The following LRPAP1 variants were observed in gnomAD, a reference collection of about 807,000 sequenced individuals.
The protein encoded by LRPAP1 is alpha-2-macroglobulin receptor-associated protein.
LRPAP1 carries 41 observed loss-of-function variants against 39.9 expected under a neutral mutation model. The ratio of observed to expected loss-of-function variants is 1.03; its 90% CI spans 0.80 to 1.33. The LOEUF (loss-of-function observed/expected upper bound fraction) is 1.33, where lower values mean the gene tolerates loss of function less well. LRPAP1 is among the 40% of genes most tolerant of loss of function. The pLI is 0.00. For missense variants in LRPAP1, 565 were observed against 482.3 expected (o/e 1.17, Z -1.61); for synonymous variants, 263 against 212.7 (o/e 1.24, Z -2.06).
chr4:3,518,851 G>A lies in LRPAP1; in HGVS notation c.592+20C>T. The A allele has an allele frequency of 1.3e-6, 2 of 1,509,708 alleles. No individual in the cohort carries two copies. Among genetic ancestry groups the A allele is most frequent in the Non-Finnish European group, 1.8e-6 (2 of 1,119,444 alleles). The allele number at this position is 1,509,708 out of a possible 1,614,324, so 93.5% of individuals were successfully genotyped here. A position where few individuals can be genotyped will look rare whatever the true frequency, so the allele number is the denominator to read the frequency against. ...GAGGGGGTGGGGCAGAGGGCAGGAG[G>A]GGGTGGGGGCGGGGGGCACCTTCGG... On this transcript the variant is annotated intron_variant, in intron 4 of 7. Transcript: ENST00000650182.
At chr4:3,531,223 C>T (rs1009937377) in intron 1 of LRPAP1, among the ~76,000 whole-genome samples, 3 of 152,168 alleles carry the variant, frequency 2.0e-5, no homozygotes, top group African/African-American at 7.2e-5. Flanking sequence ...GGAGCTGATG[C>T]CCAGGCGTCA....
rs1729385624 is a variant in LRPAP1 at position 3,507,374 on chromosome 4, A to G, written c.*5600T>C. On this transcript the variant is annotated 3_prime_UTR_variant, in exon 8 of 8. Coordinates refer to ENST00000650182, the MANE Select transcript of LRPAP1 (RefSeq NM_002337.4). The stretch of plus-strand genomic sequence containing the variant: ...AAGTGCAAGTTACTACAAAACGAAA[A>G]CAAAAGAATCAAATGGATTTAATTG... 2 of 152,258 alleles carry G rather than the reference A, an allele frequency of 1.3e-5. No homozygotes were observed. The highest frequency in any genetic ancestry group is 2.9e-5 in the Non-Finnish European group (2 of 68,048). 9.4% of individuals were successfully genotyped at this position (152,258 alleles called of 1,614,324 possible). A position where few individuals can be genotyped will look rare whatever the true frequency, so the allele number is the denominator to read the frequency against.
intron 1 of LRPAP1, among the ~76,000 whole-genome samples, chr4:3,529,690 T>A (rs1794428): frequency 4.6e-5 from 7 of 152,016 alleles, no homozygotes; most frequent in Admixed American, 3.9e-4. Context: ...AGCACCCCCC[T>A]GGCCGGGTCT....
At position 3,525,075 on chromosome 4, in the gene LRPAP1, G is replaced by A. The variant is rs188130340; in HGVS notation, c.205-24C>T. On this transcript the variant is annotated intron_variant, in intron 1 of 7. Transcript: ENST00000650182. ...AGCTGCGAACGAAGGGGAGGAGCCT[G>A]TGAGCCACGAGCAGGACGGACCAGG... 13 of 1,613,330 alleles carry A rather than the reference G, an allele frequency of 8.1e-6. No homozygotes were observed. The East Asian group carries it at 2.9e-4, about 36-fold the overall frequency.
chr4:3,504,941 C>T lies in LRPAP1; in HGVS notation c.*8033G>A, dbSNP rs546831045. 6.5e-5 allele frequency among the ~76,000 whole-genome samples: 7 copies of T among 107,972 alleles called. No homozygotes were observed. The highest frequency in any genetic ancestry group is 3.8e-4 in the East Asian group (1 of 2,648). 70.8% of individuals were successfully genotyped at this position (107,972 alleles called of 152,430 possible). On this transcript the variant is annotated 3_prime_UTR_variant, in exon 8 of 8. Coordinates refer to ENST00000650182, the MANE Select transcript of LRPAP1 (RefSeq NM_002337.4). Reference sequence around the variant, plus strand: ...CAGCCTGGGCGACAGAGCAAGACTCCGTCTCAAGAAAAAAATAAATAACAA... The same window carrying T: ...CAGCCTGGGCGACAGAGCAAGACTCTGTCTCAAGAAAAAAATAAATAACAA...
At chr4:3,532,093 G>A (rs1730272303) in intron 1 of LRPAP1, 116 bp downstream of exon 1, 1 of 1,188,438 alleles carries the variant, frequency 8.4e-7, no homozygotes. Flanking sequence ...GGCGCGTAGG[G>A]CACAGGTGCC....
intron 1 of LRPAP1, among the ~76,000 whole-genome samples, chr4:3,528,375 T>C (rs1076896): frequency 0.78 from 117,911 of 152,088 alleles, 46,327 homozygotes; most frequent in East Asian, 0.93. Context: ...CAGCACTGCT[T>C]GGGACCTCAG....
At chr4:3,523,529 G>A (rs1401479130) in intron 2 of LRPAP1, among the ~76,000 whole-genome samples, 8 of 152,126 alleles carry the variant, frequency 5.3e-5, no homozygotes, top group Non-Finnish European at 1.2e-4. Context: ...GGGGTGGCTG[G>A]GAACAGACCA....
intron 2 of LRPAP1, among the ~76,000 whole-genome samples, chr4:3,522,565 ACCCCACAC>A (rs879314781): frequency 0.53 from 54,388 of 101,812 alleles, 17,798 homozygotes; most frequent in East Asian, 0.77. Context: ...GACAGACGCC[ACCCCACAC>A]TCCCTGCCTG....
rs1176892131 is a variant in LRPAP1, at chr4:3,516,124, C to A, written c.826G>T (p.Ala276Ser). ...GGGCCGTGTTTCCTTACCCGGAACG[C>A]CTCCAGCTCCTTGTCCGTGAGGTTG... Reference protein sequence around the residue: ...SANLTDKELEAFREELKHFEA... With the variant: ...SANLTDKELESFREELKHFEA... The change falls in exon 6 of 8, where the codon GCG (alanine) becomes TCG (serine). Residue 276 changes from alanine to serine, a missense_variant. Ala to Ser is a moderately conservative substitution (Grantham distance 99). Transcript: ENST00000650182. The A allele has an allele frequency of 1.2e-5, 19 of 1,575,974 alleles. No homozygotes were observed. In the East Asian group the frequency reaches 4.1e-4, roughly 34 times the overall value.
chr4:3,517,654 C>T lies in LRPAP1; in HGVS notation c.751+380G>A, dbSNP rs73793982. ...CCTGCCCCTGCCGGGCTGAGGGGGACTGATGGACGGTGTGGGTGGCATGAG... is the reference window on the plus strand; with the variant it reads ...CCTGCCCCTGCCGGGCTGAGGGGGATTGATGGACGGTGTGGGTGGCATGAG... On this transcript the variant is annotated intron_variant, in intron 5 of 7. Transcript: ENST00000650182. The T allele has an allele frequency of 7.4e-3, 1,231 of 166,778 alleles. 19 individuals carry two copies. The highest frequency in any genetic ancestry group is 0.028 in the African/African-American group (1,160 of 42,068). The allele number at this position is 166,778 out of a possible 1,614,324, so 10.3% of individuals were successfully genotyped here. A position where few individuals can be genotyped will look rare whatever the true frequency, so the allele number is the denominator to read the frequency against.
At chr4:3,531,815 C>T (rs771260481) in intron 1 of LRPAP1, among the ~76,000 whole-genome samples, 2 of 152,232 alleles carry the variant, frequency 1.3e-5, no homozygotes, top group Non-Finnish European at 2.9e-5. Flanking sequence ...TTCTACCCAA[C>T]ATTTTGTTTT....
intron 1 of LRPAP1, among the ~76,000 whole-genome samples, chr4:3,525,741 T>C (rs1730061894): frequency 6.7e-6 from 1 of 150,276 alleles, no homozygotes; most frequent in African/African-American, 2.4e-5. Context: ...ATCCCACCCC[T>C]GCCCTCCCAG....
chr4:3,518,819 G>GGGGCAGGA (rs1490479304), intron 4 of LRPAP1, 52 bp downstream of exon 4: 2 of 1,237,468 alleles, frequency 1.6e-6, no homozygotes, highest in Non-Finnish European at 2.2e-6. Context: ...GGAGGGGTGG[G>GGGGCAGGA]GGGCAGGAGG....
intron 5 of LRPAP1, among the ~76,000 whole-genome samples, chr4:3,516,612 G>A (rs775952049): frequency 3.3e-5 from 5 of 152,248 alleles, no homozygotes; most frequent in Non-Finnish European, 5.9e-5. Flanking sequence ...GGCACAGGCC[G>A]TTTCCCTTCG....
Position 3,516,487 on chromosome 4 carries a change from A to ATAGC in LRPAP1, c.752-290_752-289insGCTA, listed in dbSNP as rs1467976600. 8.8e-5 allele frequency among the ~76,000 whole-genome samples: 10 copies of ATAGC among 113,504 alleles called. 1 individual carries two copies. In the Admixed American group the frequency reaches 9.4e-4, roughly 11 times the overall value. The allele number at this position is 113,504 out of a possible 152,430, so 74.5% of individuals were successfully genotyped here. A position where few individuals can be genotyped will look rare whatever the true frequency, so the allele number is the denominator to read the frequency against. ...CCTCCATCAGAGCCTGGGAAGCGCCACAGCCCGCCCTGGCTGCCTCTGAAG... is the reference window on the plus strand; with the variant it reads ...CCTCCATCAGAGCCTGGGAAGCGCCATAGCCAGCCCGCCCTGGCTGCCTCTGAAG... On this transcript the variant is annotated intron_variant, in intron 5 of 7. Coordinates refer to ENST00000650182, the MANE Select transcript of LRPAP1 (RefSeq NM_002337.4).
chr4:3,524,494 T>C (rs1224439888), intron 2 of LRPAP1, among the ~76,000 whole-genome samples: 3 of 152,226 alleles, frequency 2.0e-5, no homozygotes, highest in Non-Finnish European at 4.4e-5. Flanking sequence ...GCCCTCCCTC[T>C]GGCGTGCCAA....
intron 1 of LRPAP1, among the ~76,000 whole-genome samples, chr4:3,526,313 C>T (rs1391707724): frequency 6.6e-6 from 1 of 152,222 alleles, no homozygotes; most frequent in East Asian, 1.9e-4. Flanking sequence ...CCAGCTCCTG[C>T]CTCTGAGCTC....
intron 1 of LRPAP1, among the ~76,000 whole-genome samples, chr4:3,530,674 C>A (rs1444201564): frequency 6.6e-6 from 1 of 152,152 alleles, no homozygotes; most frequent in Non-Finnish European, 1.5e-5. Flanking sequence ...GCAGGGGCAG[C>A]CCGAGGGTAG....
Sources: gnomAD v4.1 joint callset for allele counts (sites outside exome capture counted in the v4.1 genomes callset) on GRCh38, gnomAD v4.1.1 for gene constraint, MANE v1.5 for transcripts, NCBI Gene and HGNC (gene_info 2026-07-23, HGNC 2026-07-21) for gene names.